TTLL5: variants seen among roughly 807,000 people sequenced by gnomAD.
TTLL5 encodes tubulin polyglutamylase TTLL5.
A neutral mutation model predicts 168.4 loss-of-function variants in TTLL5; 132 were observed. The observed-to-expected ratio is 0.78, with a 90% CI of 0.68 to 0.91. The LOEUF (loss-of-function observed/expected upper bound fraction) is 0.91, where lower values mean the gene tolerates loss of function less well. Among genes scored for constraint, TTLL5 ranks in the 40% least tolerant of loss-of-function variants. The pLI is 0.00. For missense variants in TTLL5, 1,545 were observed against 1,581.5 expected (o/e 0.98, Z 0.39); for synonymous variants, 546 against 558.6 (o/e 0.98, Z 0.32).
intron 31 of TTLL5, among the ~76,000 whole-genome samples, chr14:75,921,227 TA>T (rs1395494457): frequency 6.6e-6 from 1 of 152,244 alleles, no homozygotes; most frequent in Non-Finnish European, 1.5e-5. Flanking sequence ...CTCTTTAGTT[TA>T]ATTAGATCCC....
intron 26 of TTLL5, among the ~76,000 whole-genome samples, chr14:75,784,424 T>C (rs1331612447): frequency 6.6e-6 from 1 of 152,246 alleles, no homozygotes; most frequent in East Asian, 1.9e-4. Context: ...AGTAGGAACT[T>C]CATTCCCTTT....
chr14:75,786,090 TGC>T (rs1171323604), intron 26 of TTLL5, among the ~76,000 whole-genome samples: 9 of 152,224 alleles, frequency 5.9e-5, no homozygotes, highest in Non-Finnish European at 1.3e-4. Flanking sequence ...TATTTTAATA[TGC>T]AGCTTGAGTC....
At chr14:75,693,490 T>C (rs1040961721) in intron 6 of TTLL5, among the ~76,000 whole-genome samples, 8 of 152,232 alleles carry the variant, frequency 5.3e-5, no homozygotes. Flanking sequence ...AAAGCCTAGG[T>C]ACTCCCCAAA....
chr14:75,710,866 G>A (rs990936378), intron 9 of TTLL5: 4 of 152,134 alleles, frequency 2.6e-5, no homozygotes, highest in Non-Finnish European at 5.9e-5. Context: ...TTACGTTGAG[G>A]CTCAACAAGA....
intron 29 of TTLL5, among the ~76,000 whole-genome samples, chr14:75,875,666 G>GA (rs550879532): frequency 4.6e-4 from 70 of 152,172 alleles, no homozygotes; most frequent in African/African-American, 1.5e-3. Flanking sequence ...AACCATAGTA[G>GA]AAAAAATGCC....
chr14:75,820,207 G>A (rs1191031170), intron 28 of TTLL5, 46 bp downstream of exon 28: 1 of 1,506,954 alleles, frequency 6.6e-7, no homozygotes, highest in Non-Finnish European at 8.8e-7. Context: ...CTCAGGGATG[G>A]CCTGTGTCCC....
At chr14:75,851,221 A>T (rs2139889847) in intron 28 of TTLL5, among the ~76,000 whole-genome samples, 1 of 152,280 alleles carries the variant, frequency 6.6e-6, no homozygotes, top group South Asian at 2.1e-4. Flanking sequence ...GTATGGACTC[A>T]TTCTGTTTGT....
In TTLL5 at chr14:75,757,113, G is replaced by T. The variant is rs538991198; in HGVS notation, c.1550+4158G>T. On this transcript the variant is annotated intron_variant, in intron 18 of 31. Transcript: ENST00000298832. ...CTGCCTCAGCCTCCCAAGTAGCTGGGATTACAGGTGCACGCCACCACGCCT... is the reference window on the plus strand; with the variant it reads ...CTGCCTCAGCCTCCCAAGTAGCTGGTATTACAGGTGCACGCCACCACGCCT... Among the ~76,000 whole-genome samples the T allele has an allele frequency of 5.6e-4, 85 of 152,120 alleles. No individual in the cohort carries two copies. In the South Asian group the frequency reaches 0.011, roughly 20 times the overall value.
chr14:75,942,182 CAAA>C (rs36054096), intron 31 of TTLL5, among the ~76,000 whole-genome samples: 18 of 140,122 alleles, frequency 1.3e-4, no homozygotes, highest in Admixed American at 2.1e-4. Flanking sequence ...GACTCTGTCT[CAAA>C]AAAAAAAAAA....
chr14:75,950,677 C>T (rs1445670339), intron 31 of TTLL5, among the ~76,000 whole-genome samples: 5 of 152,108 alleles, frequency 3.3e-5, no homozygotes, highest in Non-Finnish European at 7.4e-5. Context: ...TTTTAAAAAC[C>T]TTTGTCAGGG....
intron 24 of TTLL5, among the ~76,000 whole-genome samples, chr14:75,780,330 A>G (rs1891973873): frequency 6.6e-6 from 1 of 152,208 alleles, no homozygotes; most frequent in South Asian, 2.1e-4. Context: ...CTGACATGCC[A>G]TTAGCTTCCG....
intron 29 of TTLL5, among the ~76,000 whole-genome samples, chr14:75,872,213 C>G (rs1225511260): frequency 1.3e-5 from 2 of 152,000 alleles, no homozygotes; most frequent in Non-Finnish European, 2.9e-5. Context: ...AATTTTTTTT[C>G]AAACTTTCCT....
intron 29 of TTLL5, among the ~76,000 whole-genome samples, chr14:75,869,013 AGTGTGTGTGTGTGTGTGTGTGT>A (rs3138589): frequency 8.8e-5 from 11 of 124,516 alleles, no homozygotes; most frequent in East Asian, 6.9e-4. Context: ...AGAGGGGAGG[AGTGTGTGTGTGTGTGTGTGTGT>A]GTGTGTGTGT....
rs754499176 is a variant in TTLL5, at chr14:75,954,429, G to T, written c.3829G>T (p.Ala1277Ser). ...GTTGCCTTTCTCTTTTTCAGATCCT[G>T]CTCACACTAAAATATGAACCACAAA... ...FVPITSSTDP[A>S]HTKI Residue 1277 changes from alanine to serine, a missense_variant, in exon 32 of 32, where the codon GCT (alanine) becomes TCT (serine). Ala to Ser is a moderately conservative substitution (Grantham distance 99). Transcript: ENST00000298832. 2 of 1,613,794 alleles carry T rather than the reference G, an allele frequency of 1.2e-6. No individual in the cohort carries two copies. The highest frequency in any genetic ancestry group is 4.5e-5 in the East Asian group (2 of 44,880).
At chr14:75,782,098 G>A (rs535994164) in intron 24 of TTLL5, among the ~76,000 whole-genome samples, 31 of 151,834 alleles carry the variant, frequency 2.0e-4, no homozygotes, top group Middle Eastern at 3.4e-3. Flanking sequence ...GTAACTTCTT[G>A]GCTCCAGGGG....
chr14:75,743,433 G>T (rs1889387141), intron 15 of TTLL5, among the ~76,000 whole-genome samples: 2 of 151,836 alleles, frequency 1.3e-5, no homozygotes, highest in African/African-American at 4.9e-5. Flanking sequence ...CGAGGTGCCG[G>T]CAAGATAGGC....
intron 6 of TTLL5, among the ~76,000 whole-genome samples, chr14:75,698,468 T>G (rs1331629559): frequency 6.6e-6 from 1 of 152,172 alleles, no homozygotes; most frequent in East Asian, 1.9e-4. Context: ...AAGAACTAGA[T>G]TTTGGCTTAC....
At chr14:75,706,135 CT>C (rs1290127192) in intron 7 of TTLL5, among the ~76,000 whole-genome samples, 10 of 152,332 alleles carry the variant, frequency 6.6e-5, no homozygotes, top group Middle Eastern at 3.4e-3. Context: ...CCACCATGTG[CT>C]TCCCAGCCTT....
At chr14:75,866,598 A>T (rs1314898602) in intron 29 of TTLL5, among the ~76,000 whole-genome samples, 1 of 152,226 alleles carries the variant, frequency 6.6e-6, no homozygotes, top group Non-Finnish European at 1.5e-5. Context: ...GGGAAAGTTC[A>T]TGCAGCCTTT....
Sources: gnomAD v4.1 joint callset for allele counts (sites outside exome capture counted in the v4.1 genomes callset) on GRCh38, gnomAD v4.1.1 for gene constraint, MANE v1.5 for transcripts, NCBI Gene and HGNC (gene_info 2026-07-23, HGNC 2026-07-21) for gene names.